PARD3B: variants seen among roughly 807,000 people sequenced by gnomAD.
PARD3B encodes the protein partitioning defective 3 homolog B.
PARD3B carries 103 observed loss-of-function variants against 130.2 expected under a neutral mutation model. The ratio of observed to expected loss-of-function variants is 0.79; its 90% confidence interval spans 0.67 to 0.93. The LOEUF is 0.93. Ranked by LOEUF, PARD3B falls within the 40% of genes least tolerant of loss-of-function variation. The pLI is 0.00. For missense variants in PARD3B, 1,609 were observed against 1,499.2 expected, an observed-to-expected ratio of 1.07 and a Z score of -1.21; for synonymous variants, 583 against 553.2, an observed-to-expected ratio of 1.05 and a Z score of -0.76.
At position 205,320,456 on chromosome 2, in the gene PARD3B, C is replaced by A. The variant is rs571198348; in HGVS notation, c.2630+18755C>A. Reference sequence around the variant, plus strand: ...TTAAACTCTAAATCTAACTGTCTATCATGTTTTATTCCATAAGAGACGTAT... The same window carrying A: ...TTAAACTCTAAATCTAACTGTCTATAATGTTTTATTCCATAAGAGACGTAT... On this transcript the variant is annotated intron_variant, in intron 18 of 22. Coordinates refer to ENST00000406610, the MANE Select transcript of PARD3B (RefSeq NM_001302769.2). 1.1e-4 allele frequency among the ~76,000 whole-genome samples: 17 copies of A among 152,256 alleles called. No individual in the cohort carries two copies. The East Asian group carries it at 2.5e-3, about 22-fold the overall frequency.
Position 205,105,466 on chromosome 2 carries a change from C to T in PARD3B, c.593+952C>T, listed in dbSNP as rs1044437719. On this transcript the variant is annotated intron_variant, in intron 5 of 22. Transcript: ENST00000406610. The surrounding 1 kb of genome is among the most constrained non-coding windows in gnomAD (Gnocchi z 4.0). Reference sequence around the variant, plus strand: ...AGTTTATAATTATTCATGCAGTTGACGTATTCCTTTCATTTAGTCCAAACA... The same window carrying T: ...AGTTTATAATTATTCATGCAGTTGATGTATTCCTTTCATTTAGTCCAAACA... Among the ~76,000 whole-genome samples, 13 of 152,260 alleles carry T rather than the reference C, an allele frequency of 8.5e-5. No homozygotes were observed. The highest frequency in any genetic ancestry group is 2.1e-4 in the South Asian group (1 of 4,818).
At chr2:205,103,753 CT>C (rs1200605421) in intron 4 of PARD3B, 29 of 984,962 alleles carry the variant, frequency 2.9e-5, no homozygotes, top group Non-Finnish European at 3.1e-5. Context: ...AATCCATCCT[CT>C]CCTCTGCTTC....
chr2:204,733,196 T>A (rs892056926), intron 2 of PARD3B, among the ~76,000 whole-genome samples: 1 of 152,166 alleles, frequency 6.6e-6, no homozygotes, highest in Non-Finnish European at 1.5e-5. Flanking sequence ...TTGCAATATA[T>A]TGAATAAATA....
intron 20 of PARD3B, among the ~76,000 whole-genome samples, chr2:205,454,817 T>G (rs1247025910): frequency 6.6e-6 from 1 of 152,074 alleles, no homozygotes; most frequent in African/African-American, 2.4e-5. Flanking sequence ...AAAATGCCAG[T>G]CAGGTCACAC....
chr2:204,550,583 G>C (rs1347736069), intron 1 of PARD3B, among the ~76,000 whole-genome samples: 1 of 152,166 alleles, frequency 6.6e-6, no homozygotes, highest in Non-Finnish European at 1.5e-5. Flanking sequence ...AATTTACAAA[G>C]GCCAATTTGT....
At chr2:205,567,346 G>C (rs1353719771) in intron 22 of PARD3B, among the ~76,000 whole-genome samples, 1 of 102,460 alleles carries the variant, frequency 9.8e-6, no homozygotes, top group Non-Finnish European at 1.7e-5. Flanking sequence ...ATGGAGTCTT[G>C]CTCTGTCGCC....
chr2:205,588,237 T>C (rs1399864856), intron 22 of PARD3B, among the ~76,000 whole-genome samples: 1 of 152,242 alleles, frequency 6.6e-6, no homozygotes, highest in Non-Finnish European at 1.5e-5. Context: ...CATTCTTTTT[T>C]AGTACTTTGT....
chr2:204,642,507 TC>T (rs1399622376), intron 1 of PARD3B, among the ~76,000 whole-genome samples: 1 of 152,172 alleles, frequency 6.6e-6, no homozygotes, highest in Non-Finnish European at 1.5e-5. Context: ...AGAATTGGTT[TC>T]ATGATGCTAG....
chr2:205,599,537 C>T (rs2054701266), intron 22 of PARD3B, among the ~76,000 whole-genome samples: 1 of 152,166 alleles, frequency 6.6e-6, no homozygotes, highest in Non-Finnish European at 1.5e-5. Flanking sequence ...AAATCTGCAT[C>T]CCCAGTTTGC....
At position 205,287,645 on chromosome 2, in the gene PARD3B, G is replaced by A. The variant is rs1017303333; in HGVS notation, c.2186-12885G>A. ...GAGGAGGCATAGTACACCAAGGAAAGCCAGGATGCTCATTTTAGATAGAAT... is the reference window on the plus strand; with the variant it reads ...GAGGAGGCATAGTACACCAAGGAAAACCAGGATGCTCATTTTAGATAGAAT... On this transcript the variant is annotated intron_variant, in intron 16 of 22. Transcript: ENST00000406610. This position sits in a 1 kb window ranked among gnomAD's most constrained non-coding sequence, Gnocchi z 4.8. Among the ~76,000 whole-genome samples the A allele has an allele frequency of 2.0e-5, 3 of 152,162 alleles. No homozygotes were observed. The highest frequency in any genetic ancestry group is 7.2e-5 in the African/African-American group (3 of 41,438).
chr2:204,646,494 C>G (rs1326524342), intron 1 of PARD3B, among the ~76,000 whole-genome samples: 2 of 152,026 alleles, frequency 1.3e-5, no homozygotes, highest in African/African-American at 4.8e-5. Context: ...ATCATTCCCT[C>G]ATATTAATAT....
chr2:205,449,451 G>A (rs1027039177), intron 20 of PARD3B, among the ~76,000 whole-genome samples: 3 of 151,836 alleles, frequency 2.0e-5, no homozygotes, highest in African/African-American at 7.3e-5. Context: ...GGCTGGTCTC[G>A]AACTCCTGAC....
At position 204,972,965 on chromosome 2, in the gene PARD3B, T is replaced by C. The variant is rs139161332; in HGVS notation, c.394+7642T>C. 2.4e-3 allele frequency among the ~76,000 whole-genome samples: 370 copies of C among 152,356 alleles called. 2 individuals are homozygous for C. The highest frequency in any genetic ancestry group is 8.0e-3 in the African/African-American group (333 of 41,584). ...AAATATTTTCAGCACTGCTGTCATA[T>C]TCAGCTTCTTGTAGTTCCCCTGACC... On this transcript the variant is annotated intron_variant, in intron 3 of 22. Coordinates refer to ENST00000406610, the MANE Select transcript of PARD3B (RefSeq NM_001302769.2).
Position 205,229,194 on chromosome 2 carries a change from A to C in PARD3B, c.2141-16584A>C, listed in dbSNP as rs1266381300. On this transcript the variant is annotated intron_variant, in intron 15 of 22. Transcript: ENST00000406610. This position sits in a 1 kb window ranked among gnomAD's most constrained non-coding sequence, Gnocchi z 5.2. ...TTGTTTATCATTGTCTCAACATTGA[A>C]GAGTTAGGTATTTATTGTAGTCTTT... Among the ~76,000 whole-genome samples, 1 of 152,196 alleles carries C rather than the reference A, an allele frequency of 6.6e-6. No individual in the cohort carries two copies. The highest frequency in any genetic ancestry group is 1.5e-5 in the Non-Finnish European group (1 of 68,046).
chr2:205,525,375 G>A lies in PARD3B; in HGVS notation c.3180+25344G>A, dbSNP rs140592262. Reference sequence around the variant, plus strand: ...TAAGCTGGAAAGGCCAAAGAAATTCGGAGGATTAAGAGGTTTTTTTGTTTT... The same window carrying A: ...TAAGCTGGAAAGGCCAAAGAAATTCAGAGGATTAAGAGGTTTTTTTGTTTT... On this transcript the variant is annotated intron_variant, in intron 21 of 22. Coordinates refer to ENST00000406610, the MANE Select transcript of PARD3B (RefSeq NM_001302769.2). This position sits in a 1 kb window ranked among gnomAD's most constrained non-coding sequence, Gnocchi z 4.2. Among the ~76,000 whole-genome samples, 12 of 152,176 alleles carry A rather than the reference G, an allele frequency of 7.9e-5. No homozygotes were observed. The highest frequency in any genetic ancestry group is 3.9e-4 in the East Asian group (2 of 5,178).
chr2:204,719,608 G>A (rs2038901511), intron 2 of PARD3B, among the ~76,000 whole-genome samples: 1 of 151,996 alleles, frequency 6.6e-6, no homozygotes, highest in African/African-American at 2.4e-5. Context: ...CATAGTTCTT[G>A]CATGTTACCA....
At chr2:204,679,108 ATGT>A in intron 1 of PARD3B, among the ~76,000 whole-genome samples, 1 of 152,280 alleles carries the variant, frequency 6.6e-6, no homozygotes, top group South Asian at 2.1e-4. Flanking sequence ...AGATTTACTC[ATGT>A]TGTCGCATAA....
intron 3 of PARD3B, among the ~76,000 whole-genome samples, chr2:204,978,702 C>T (rs976870905): frequency 2.6e-5 from 4 of 152,118 alleles, no homozygotes; most frequent in Non-Finnish European, 5.9e-5. Flanking sequence ...TGTCTCATGC[C>T]TGTAATCCTA....
chr2:205,285,987 T>G lies in PARD3B; in HGVS notation c.2186-14543T>G, dbSNP rs561369099. On this transcript the variant is annotated intron_variant, in intron 16 of 22. Transcript: ENST00000406610. ...GTACACTGCAGCTTTGTGAATTTTT[T>G]GTACATACATAATTTCATCTTATAA... 3.3e-5 allele frequency among the ~76,000 whole-genome samples: 5 copies of G among 152,338 alleles called. No individual in the cohort carries two copies. The South Asian group carries it at 1.0e-3, about 32-fold the overall frequency.
Sources: allele counts gnomAD v4.1 joint callset (sites outside exome capture counted in the v4.1 genomes callset), GRCh38; gene constraint gnomAD v4.1.1; non-coding constraint Gnocchi (gnomAD v3.1); transcripts MANE v1.5; gene names NCBI Gene and HGNC (gene_info 2026-07-23, HGNC 2026-07-21).